Variants in CLSTN1 observed in about 807,000 individuals in gnomAD.
CLSTN1 encodes the protein calsyntenin-1.
A neutral mutation model predicts 108.3 loss-of-function variants in CLSTN1; 28 were observed. That is an observed-to-expected ratio of 0.26 (90% confidence interval 0.19 to 0.35). CLSTN1 has a LOEUF of 0.35. Among genes scored for constraint, CLSTN1 ranks in the 10% least tolerant of loss-of-function variants. The pLI, the probability that CLSTN1 is intolerant of heterozygous loss-of-function variation, is 1.00. For missense variants in CLSTN1, 1,157 were observed against 1,302.6 expected, an observed-to-expected ratio of 0.89 and a Z score of 1.72; for synonymous variants, 524 against 534.9, an observed-to-expected ratio of 0.98 and a Z score of 0.28.
chr1:9,758,969 A>C (rs1015969713), intron 2 of CLSTN1, among the ~76,000 whole-genome samples: 1 of 152,216 alleles, frequency 6.6e-6, no homozygotes, highest in African/African-American at 2.4e-5. Flanking sequence ...AATGCAAATG[A>C]AAATTCAAGC....
chr1:9,790,247 C>T (rs984545677), intron 1 of CLSTN1, among the ~76,000 whole-genome samples: 15 of 151,336 alleles, frequency 9.9e-5, no homozygotes, highest in African/African-American at 3.6e-4. Context: ...ATTCTTTTTT[C>T]ACCTTTAAGT....
chr1:9,764,102 AAGAAAGAGAGAG>A (rs1183819513), intron 2 of CLSTN1, among the ~76,000 whole-genome samples: 1 of 148,130 alleles, frequency 6.8e-6, no homozygotes. Flanking sequence ...GTGAGGGAGA[AAGAAAGAGAGAG>A]AGAGAGAGAG....
intron 2 of CLSTN1, among the ~76,000 whole-genome samples, chr1:9,760,969 C>T (rs1022217702): frequency 1.3e-5 from 2 of 152,010 alleles, no homozygotes; most frequent in African/African-American, 4.8e-5. Context: ...AATTGCCTCT[C>T]ACATCCCAGT....
chr1:9,730,492 T>C lies in CLSTN1; in HGVS notation c.*16A>G. On this transcript the variant is annotated 3_prime_UTR_variant, in exon 19 of 19. Coordinates refer to ENST00000377298, the MANE Select transcript of CLSTN1 (RefSeq NM_001009566.3). This position sits in a 1 kb window ranked among gnomAD's most constrained non-coding sequence, Gnocchi z 5.6. ...GAGTCTTCGAAAGCAGAAACCGAGG[T>C]GGCCGGGGGCACGGGTCAGTAGCTG... 6.3e-7 allele frequency: 1 copy of C among 1,598,316 alleles called. No homozygotes were observed. The highest frequency in any genetic ancestry group is 8.5e-7 in the Non-Finnish European group (1 of 1,178,004).
At chr1:9,737,258 TGG>T (rs34403180) in intron 11 of CLSTN1, among the ~76,000 whole-genome samples, 2 of 151,682 alleles carry the variant, frequency 1.3e-5, no homozygotes, top group South Asian at 2.1e-4. Context: ...TCAAACTGGA[TGG>T]GGGGGGAAGT....
chr1:9,753,552 T>C, intron 4 of CLSTN1, among the ~76,000 whole-genome samples: 1 of 151,794 alleles, frequency 6.6e-6, no homozygotes, highest in Non-Finnish European at 1.5e-5. Context: ...AGTGCAATGA[T>C]GTGATCTTGG....
chr1:9,751,791 G>A (rs934240142), intron 4 of CLSTN1, 110 bp from the exon 5 acceptor site: 22 of 860,240 alleles, frequency 2.6e-5, no homozygotes, highest in Non-Finnish European at 3.6e-5. Context: ...AAAATTTCCT[G>A]TTTCTGATAC....
At chr1:9,807,834 C>T (rs915972941) in intron 1 of CLSTN1, among the ~76,000 whole-genome samples, 1 of 152,246 alleles carries the variant, frequency 6.6e-6, no homozygotes, top group African/African-American at 2.4e-5. Context: ...CAGTGGCAGG[C>T]TACTCTCTCC....
At chr1:9,783,304 C>T (rs1341934270) in intron 1 of CLSTN1, among the ~76,000 whole-genome samples, 3 of 152,166 alleles carry the variant, frequency 2.0e-5, no homozygotes, top group Admixed American at 6.5e-5. Context: ...TCCAGCCAGG[C>T]GCAGTGGCTC....
At chr1:9,757,245 T>TA (rs1491375780) in intron 2 of CLSTN1, among the ~76,000 whole-genome samples, 2 of 131,122 alleles carry the variant, frequency 1.5e-5, no homozygotes, top group East Asian at 4.2e-4. Flanking sequence ...GAGCAAAAGG[T>TA]TTTTTTTTTT....
chr1:9,776,720 G>C (rs984515271), intron 1 of CLSTN1, among the ~76,000 whole-genome samples: 3 of 151,926 alleles, frequency 2.0e-5, no homozygotes, highest in East Asian at 1.9e-4. Flanking sequence ...AGTTACTGAG[G>C]GACCCAAATA....
At chr1:9,740,342 G>A (rs1425213518) in intron 10 of CLSTN1, among the ~76,000 whole-genome samples, 2 of 152,224 alleles carry the variant, frequency 1.3e-5, no homozygotes, top group African/African-American at 2.4e-5. Context: ...TTATAGGTGT[G>A]AGACACCGCG....
At position 9,735,611 on chromosome 1, in the gene CLSTN1, TG is replaced by T; in HGVS notation, c.1738del (p.Gln580LysfsTer9). ...CAATACCAACTGGCTGGGGTGTGCT[TG>T]GATCTGAAATCACACCAGCCACAGA... ...LEDSGRGVQI[Q>X]AHPSQLVLTL... On this transcript the variant is annotated frameshift_variant, in exon 13 of 19. Coordinates refer to ENST00000377298, the MANE Select transcript of CLSTN1 (RefSeq NM_001009566.3). LOFTEE classifies it high-confidence loss of function. The T allele has an allele frequency of 6.2e-7, 1 of 1,614,056 alleles. No individual in the cohort carries two copies. Among genetic ancestry groups the T allele is most frequent in the Non-Finnish European group, 8.5e-7 (1 of 1,180,006 alleles).
intron 2 of CLSTN1, among the ~76,000 whole-genome samples, chr1:9,760,118 G>C (rs1252497642): frequency 6.6e-6 from 1 of 152,132 alleles, no homozygotes; most frequent in Admixed American, 6.5e-5. Context: ...GCCCAGGCTG[G>C]AATGCAATGA....
intron 1 of CLSTN1, among the ~76,000 whole-genome samples, chr1:9,800,557 GAAAAAAAA>G (rs55929301): frequency 6.6e-4 from 51 of 77,322 alleles, no homozygotes; most frequent in Middle Eastern, 7.0e-3. Context: ...GTCTCCACTA[GAAAAAAAA>G]AAAAAAAAAA....
intron 1 of CLSTN1, among the ~76,000 whole-genome samples, chr1:9,812,464 T>C (rs1485481493): frequency 1.3e-5 from 2 of 152,210 alleles, no homozygotes; most frequent in Admixed American, 1.3e-4. Context: ...TGACTATTAA[T>C]ACTCTGTCAT....
At chr1:9,744,708 C>A in intron 7 of CLSTN1, 65 bp from the exon 8 acceptor site, 1 of 1,511,782 alleles carries the variant, frequency 6.6e-7, no homozygotes, top group South Asian at 1.2e-5. Context: ...CTCAAGCCCC[C>A]AGGCACGTGC....
chr1:9,765,741 G>A (rs747478986), intron 2 of CLSTN1, among the ~76,000 whole-genome samples: 6 of 152,022 alleles, frequency 3.9e-5, no homozygotes, highest in African/African-American at 1.4e-4. Flanking sequence ...TTAGCCGGGC[G>A]TGGTGGCGGC....
Position 9,734,207 on chromosome 1 carries a change from C to T in CLSTN1, c.2111-65G>A, listed in dbSNP as rs1650562577. 6 of 1,517,942 alleles carry T rather than the reference C, an allele frequency of 4.0e-6. No homozygotes were observed. In the East Asian group the frequency reaches 1.4e-4, roughly 34 times the overall value. The allele number at this position is 1,517,942 out of a possible 1,614,324, so 94.0% of individuals were successfully genotyped here. On this transcript the variant is annotated intron_variant, in intron 14 of 18. Transcript: ENST00000377298. This position sits in a 1 kb window ranked among gnomAD's most constrained non-coding sequence, Gnocchi z 4.8. ...GTGGGGCCCAGCGTGGCGGGGCACA[C>T]TGGATGCCCTGCCGGCTCACCCCAA...
Sources: gnomAD v4.1 joint callset for allele counts (sites outside exome capture counted in the v4.1 genomes callset) on GRCh38, gnomAD v4.1.1 for gene constraint, Gnocchi (gnomAD v3.1) non-coding constraint, MANE v1.5 for transcripts, NCBI Gene and HGNC (gene_info 2026-07-23, HGNC 2026-07-21) for gene names.